The following NALF1 variants were observed in gnomAD, a reference collection of about 807,000 sequenced individuals.
NALF1 encodes family with sequence similarity 155 member A.
In NALF1, 3 loss-of-function variants were observed where a neutral mutation model predicts 48.4. That is an observed-to-expected ratio of 0.06 (90% CI 0.03 to 0.16). The LOEUF is 0.16. NALF1 is among the 10% of genes least tolerant of loss of function. The pLI is 1.00. For synonymous variants in NALF1, 262 were observed against 245.7 expected (o/e 1.07, Z -0.62); for missense variants, 526 against 571.5 (o/e 0.92, Z 0.81).
intron 1 of NALF1, among the ~76,000 whole-genome samples, chr13:107,315,245 C>T (rs1164003102): frequency 1.3e-5 from 2 of 151,620 alleles, no homozygotes; most frequent in South Asian, 2.1e-4. Context: ...ATATAAATTT[C>T]TTATAAATAT....
intron 1 of NALF1, among the ~76,000 whole-genome samples, chr13:107,626,182 A>C (rs1318804286): frequency 6.6e-6 from 1 of 152,066 alleles, no homozygotes. Context: ...AGTCTATCAT[A>C]ATCACGTACA....
intron 1 of NALF1, among the ~76,000 whole-genome samples, chr13:107,748,537 G>A (rs1034746688): frequency 2.0e-5 from 3 of 152,112 alleles, no homozygotes; most frequent in East Asian, 1.9e-4. Flanking sequence ...TATTACTGAC[G>A]AATCTCCAGT....
At chr13:107,632,507 C>T (rs1353995381) in intron 1 of NALF1, among the ~76,000 whole-genome samples, 1 of 152,106 alleles carries the variant, frequency 6.6e-6, no homozygotes, top group Non-Finnish European at 1.5e-5. Flanking sequence ...TATATTTTCC[C>T]CATGTAGGCA....
intron 1 of NALF1, among the ~76,000 whole-genome samples, chr13:107,420,735 A>G (rs74637714): frequency 6.6e-6 from 1 of 152,216 alleles, no homozygotes; most frequent in Non-Finnish European, 1.5e-5. Context: ...TTCATCGAGT[A>G]CATGTGCAAT....
At chr13:107,734,082 G>A (rs1876392222) in intron 1 of NALF1, among the ~76,000 whole-genome samples, 3 of 152,148 alleles carry the variant, frequency 2.0e-5, no homozygotes, top group African/African-American at 7.2e-5. Context: ...CATAGAAAAA[G>A]TAATGTGTTG....
chr13:107,300,571 CTTAG>C (rs978266693), intron 1 of NALF1, among the ~76,000 whole-genome samples: 7 of 152,128 alleles, frequency 4.6e-5, no homozygotes, highest in African/African-American at 9.7e-5. Context: ...AGTATCCACA[CTTAG>C]TTGGTTGTAA....
chr13:107,296,535 T>G (rs1881730176), intron 1 of NALF1, among the ~76,000 whole-genome samples: 1 of 152,154 alleles, frequency 6.6e-6, no homozygotes, highest in Non-Finnish European at 1.5e-5. Context: ...ACTACCATGG[T>G]CCTAGAAAAA....
chr13:107,782,156 T>C (rs1877909840), intron 1 of NALF1, among the ~76,000 whole-genome samples: 1 of 152,202 alleles, frequency 6.6e-6, no homozygotes, highest in Admixed American at 6.5e-5. Context: ...CCTCCCTGCC[T>C]GATTCTCCTG....
At chr13:107,797,365 C>T (rs542881224) in intron 1 of NALF1, among the ~76,000 whole-genome samples, 10 of 152,246 alleles carry the variant, frequency 6.6e-5, no homozygotes, top group Non-Finnish European at 1.3e-4. Context: ...ACCACCATGC[C>T]CGGCTAATTT....
At chr13:107,551,803 A>G (rs1262265610) in intron 1 of NALF1, among the ~76,000 whole-genome samples, 2 of 152,070 alleles carry the variant, frequency 1.3e-5, no homozygotes, top group Non-Finnish European at 2.9e-5. Flanking sequence ...ATTTCTGTTA[A>G]AGTATGAATA....
chr13:107,322,116 G>T (rs1257975767), intron 1 of NALF1, among the ~76,000 whole-genome samples: 1 of 152,150 alleles, frequency 6.6e-6, no homozygotes, highest in Non-Finnish European at 1.5e-5. Flanking sequence ...AGGGATAACA[G>T]TTATTTCCAT....
At chr13:107,717,070 C>T (rs1297188782) in intron 1 of NALF1, among the ~76,000 whole-genome samples, 1 of 152,172 alleles carries the variant, frequency 6.6e-6, no homozygotes, top group Non-Finnish European at 1.5e-5. Flanking sequence ...GTCCTCAAAG[C>T]TCACCCACAT....
At chr13:107,781,874 C>CTTAG (rs1274676797) in intron 1 of NALF1, among the ~76,000 whole-genome samples, 3 of 152,128 alleles carry the variant, frequency 2.0e-5, no homozygotes, top group Non-Finnish European at 4.4e-5. Flanking sequence ...CACTGCCTAG[C>CTTAG]TTAGTATAGT....
chr13:107,219,128 C>A (rs933062789), intron 1 of NALF1, among the ~76,000 whole-genome samples: 1 of 152,192 alleles, frequency 6.6e-6, no homozygotes, highest in African/African-American at 2.4e-5. Flanking sequence ...AAGAAAGTCA[C>A]TCCATAAGAC....
intron 1 of NALF1, among the ~76,000 whole-genome samples, chr13:107,333,912 T>C (rs1882512175): frequency 6.6e-6 from 1 of 152,244 alleles, no homozygotes; most frequent in Non-Finnish European, 1.5e-5. Flanking sequence ...TCAGAATTTC[T>C]CACTGATGAA....
At chr13:107,526,179 G>A in intron 1 of NALF1, among the ~76,000 whole-genome samples, 1 of 151,894 alleles carries the variant, frequency 6.6e-6, no homozygotes, top group East Asian at 1.9e-4. Context: ...ATTATTGTAA[G>A]AGCTACTACT....
At chr13:107,623,046 G>A (rs973257692) in intron 1 of NALF1, among the ~76,000 whole-genome samples, 5 of 152,072 alleles carry the variant, frequency 3.3e-5, no homozygotes, top group Admixed American at 1.3e-4. Context: ...TGTTTCCCAC[G>A]ACATGCTCTT....
chr13:107,765,381 C>T (rs886987330), intron 1 of NALF1, among the ~76,000 whole-genome samples: 5 of 152,062 alleles, frequency 3.3e-5, no homozygotes, highest in African/African-American at 9.7e-5. Context: ...ATTTATCCAA[C>T]AAGAAAACTC....
intron 1 of NALF1, among the ~76,000 whole-genome samples, chr13:107,376,952 T>A (rs2138970062): frequency 6.6e-6 from 1 of 152,296 alleles, no homozygotes; most frequent in African/African-American, 2.4e-5. Flanking sequence ...TTCAGCACAA[T>A]GATGGCTGTA....
Sources: gnomAD v4.1 joint callset for allele counts (sites outside exome capture counted in the v4.1 genomes callset) on GRCh38, gnomAD v4.1.1 for gene constraint, MANE v1.5 for transcripts, NCBI Gene and HGNC (gene_info 2026-07-23, HGNC 2026-07-21) for gene names.